MYRFL: variants seen among roughly 807,000 people sequenced by gnomAD.
MYRFL encodes the protein myelin regulatory factor-like protein.
Under a neutral mutation model 109.4 loss-of-function variants are expected in MYRFL, and 88 were observed. The ratio of observed to expected loss-of-function variants is 0.80; its 90% confidence interval spans 0.68 to 0.96. MYRFL has a LOEUF of 0.96. Ranked by LOEUF, MYRFL falls within the 40% of genes least tolerant of loss-of-function variation. MYRFL has a pLI of 0.00. For missense variants in MYRFL, 957 were observed against 954.9 expected (o/e 1.00, Z -0.03); for synonymous variants, 324 against 320.9 (o/e 1.01, Z -0.10).
At chr12:69,863,480 A>G (rs549255788) in intron 2 of MYRFL, among the ~76,000 whole-genome samples, 12 of 152,280 alleles carry the variant, frequency 7.9e-5, no homozygotes, top group African/African-American at 2.9e-4. Flanking sequence ...TCGAGGGACA[A>G]CAATCTACAT....
intron 16 of MYRFL, 80 bp from the exon 17 acceptor site, chr12:69,936,033 A>G: frequency 6.8e-7 from 1 of 1,464,990 alleles, no homozygotes; most frequent in African/African-American, 1.5e-5. Context: ...ATCTCTGGCC[A>G]GCTGGATGTG....
chr12:69,829,168 C>A (rs1390879827), intron 1 of MYRFL, among the ~76,000 whole-genome samples: 1 of 152,054 alleles, frequency 6.6e-6, no homozygotes, highest in Non-Finnish European at 1.5e-5. Flanking sequence ...CAGTAACCAC[C>A]AGGCAGCTCT....
intron 6 of MYRFL, among the ~76,000 whole-genome samples, chr12:69,890,602 T>C (rs1276636646): frequency 6.6e-6 from 1 of 152,040 alleles, no homozygotes; most frequent in Admixed American, 6.6e-5. Context: ...GGCGTGGTGG[T>C]GTGCACCTGT....
At chr12:69,899,271 A>G (rs569501701) in intron 10 of MYRFL, among the ~76,000 whole-genome samples, 1 of 152,330 alleles carries the variant, frequency 6.6e-6, no homozygotes, top group East Asian at 1.9e-4. Flanking sequence ...TGAAACACAG[A>G]AGTGAAAATG....
intron 15 of MYRFL, among the ~76,000 whole-genome samples, chr12:69,930,206 G>A (rs146543191): frequency 2.0e-5 from 3 of 152,140 alleles, no homozygotes; most frequent in Non-Finnish European, 4.4e-5. Context: ...GGTAGGGTGG[G>A]GGTCTTGTTA....
chr12:69,899,515 A>G (rs934847032), intron 10 of MYRFL, among the ~76,000 whole-genome samples: 2 of 152,236 alleles, frequency 1.3e-5, no homozygotes, highest in Non-Finnish European at 2.9e-5. Context: ...TCCGGAATGA[A>G]GAATGGGAAG....
chr12:69,845,262 G>C (rs754634158), intron 1 of MYRFL, among the ~76,000 whole-genome samples: 43 of 152,238 alleles, frequency 2.8e-4, no homozygotes, highest in Non-Finnish European at 4.6e-4. Flanking sequence ...AGCCCTCTAA[G>C]GGGTTCTTGT....
rs9739570 is a variant in MYRFL, at chr12:69,891,693, C to T, written c.903+527C>T. ...TCTTTCTTTCTTTCTTTCGTTCGTT[C>T]GTTCTTTCTTTCTTTTTTTCTTTGA... On this transcript the variant is annotated intron_variant, in intron 7 of 24. Transcript: ENST00000552032. Among the ~76,000 whole-genome samples the T allele has an allele frequency of 7.1e-5, 7 of 98,518 alleles. 1 individual carries two copies. The highest frequency in any genetic ancestry group is 4.9e-4 in the East Asian group (2 of 4,112). 64.6% of individuals were successfully genotyped at this position (98,518 alleles called of 152,430 possible).
intron 2 of MYRFL, among the ~76,000 whole-genome samples, chr12:69,863,719 C>G (rs1884840058): frequency 6.6e-6 from 1 of 152,060 alleles, no homozygotes; most frequent in Non-Finnish European, 1.5e-5. Context: ...TTACATTGAC[C>G]CAAGCATTTC....
intron 19 of MYRFL, among the ~76,000 whole-genome samples, chr12:69,939,135 A>C (rs911583428): frequency 6.6e-6 from 1 of 152,240 alleles, no homozygotes; most frequent in Non-Finnish European, 1.5e-5. Flanking sequence ...ACCATTGCCC[A>C]GGCTTGCTTA....
intron 1 of MYRFL, among the ~76,000 whole-genome samples, chr12:69,828,286 T>G (rs1187638049): frequency 6.6e-6 from 1 of 152,092 alleles, no homozygotes; most frequent in Non-Finnish European, 1.5e-5. Flanking sequence ...TTTTTATATA[T>G]AGATATGCAA....
intron 11 of MYRFL, chr12:69,904,349 T>C (rs7965814): frequency 0.34 from 51,214 of 152,692 alleles, 9,040 homozygotes; most frequent in African/African-American, 0.43. Flanking sequence ...CTCCTCCTCA[T>C]CCCTTACTTG....
At chr12:69,852,773 G>A (rs1311706986) in intron 1 of MYRFL, among the ~76,000 whole-genome samples, 4 of 151,762 alleles carry the variant, frequency 2.6e-5, no homozygotes, top group Non-Finnish European at 5.9e-5. Flanking sequence ...CTTGAGATTA[G>A]GGAGTGGTGA....
At chr12:69,922,480 A>G (rs1954944005) in intron 13 of MYRFL, among the ~76,000 whole-genome samples, 1 of 152,198 alleles carries the variant, frequency 6.6e-6, no homozygotes, top group South Asian at 2.1e-4. Flanking sequence ...ATAAAAAACT[A>G]GAGAGAATAG....
chr12:69,841,616 C>T (rs1288942960), intron 1 of MYRFL, among the ~76,000 whole-genome samples: 1 of 152,188 alleles, frequency 6.6e-6, no homozygotes, highest in Non-Finnish European at 1.5e-5. Flanking sequence ...CACACCAGGT[C>T]AGACTTTCAC....
intron 5 of MYRFL, among the ~76,000 whole-genome samples, chr12:69,883,490 A>G (rs1482763575): frequency 1.3e-5 from 2 of 152,150 alleles, no homozygotes; most frequent in Non-Finnish European, 2.9e-5. Context: ...AATGGAGTAC[A>G]ATATGGCAAT....
At chr12:69,945,725 CG>C (rs1421600099) in intron 19 of MYRFL, among the ~76,000 whole-genome samples, 5 of 151,944 alleles carry the variant, frequency 3.3e-5, no homozygotes, top group Non-Finnish European at 7.4e-5. Context: ...CGGTGGCTCA[CG>C]CCTGTAATCC....
At chr12:69,848,073 A>G (rs1883661627) in intron 1 of MYRFL, among the ~76,000 whole-genome samples, 1 of 152,114 alleles carries the variant, frequency 6.6e-6, no homozygotes, top group South Asian at 2.1e-4. Context: ...AGTATAGAAC[A>G]TAGCTTTTTT....
chr12:69,926,538 A>C (rs1254078423), intron 13 of MYRFL, 33 bp from the exon 14 acceptor site: 2 of 1,448,634 alleles, frequency 1.4e-6, no homozygotes, highest in Admixed American at 4.8e-5. Context: ...CAAATTGTTA[A>C]TTTATGCACT....
Sources: allele counts gnomAD v4.1 joint callset (sites outside exome capture counted in the v4.1 genomes callset), GRCh38; gene constraint gnomAD v4.1.1; transcripts MANE v1.5; gene names NCBI Gene and HGNC (gene_info 2026-07-23, HGNC 2026-07-21).